FBXO38: variants seen among roughly 807,000 people sequenced by gnomAD.
FBXO38 encodes F-box protein 38, also known as F-box only protein 38.
FBXO38 carries 53 observed loss-of-function variants against 131.9 expected under a neutral mutation model. The observed-to-expected ratio is 0.40, with a 90% CI of 0.32 to 0.51. The LOEUF (loss-of-function observed/expected upper bound fraction) is 0.51, where lower values mean the gene tolerates loss of function less well. Ranked by LOEUF, FBXO38 falls within the 20% of genes least tolerant of loss-of-function variation. FBXO38 has a pLI of 0.53. For missense variants in FBXO38, 1,076 were observed against 1,475.6 expected (o/e 0.73, Z 4.44); for synonymous variants, 452 against 505.6 (o/e 0.89, Z 1.42).
chr5:148,417,549 G>T (rs566373465), intron 12 of FBXO38, among the ~76,000 whole-genome samples: 5 of 152,230 alleles, frequency 3.3e-5, no homozygotes, highest in African/African-American at 1.2e-4. Flanking sequence ...TGGATAGCAT[G>T]AACATTAAGA....
Position 148,431,456 on chromosome 5 carries a change from A to C in FBXO38, c.2654-1968A>C, listed in dbSNP as rs369869682. On this transcript the variant is annotated intron_variant, in intron 15 of 21. Transcript: ENST00000340253. ...GAGCAGGAAACTTTACCTAATTTTG[A>C]ACCCCATGCTCTGATAAATTAAAGG... 2.6e-5 allele frequency among the ~76,000 whole-genome samples: 4 copies of C among 152,336 alleles called. No individual in the cohort carries two copies. In the East Asian group the frequency reaches 5.8e-4, roughly 22 times the overall value.
At position 148,407,924 on chromosome 5, in the gene FBXO38, C is replaced by CA. The variant is rs556460198; in HGVS notation, c.869-1190dup. Among the ~76,000 whole-genome samples the CA allele has an allele frequency of 3.4e-3, 469 of 138,518 alleles. 3 individuals are homozygous for CA. The highest frequency in any genetic ancestry group is 4.2e-3 in the Non-Finnish European group (270 of 63,918). 90.9% of individuals were successfully genotyped at this position (138,518 alleles called of 152,430 possible). A position where few individuals can be genotyped will look rare whatever the true frequency, so the allele number is the denominator to read the frequency against. ...TGGGTGAGAGAGTGAGACTCTGTCT[C>CA]AAAAAAAAAAGAGAGAGAGAGAGTG... is the stretch of plus-strand genomic sequence containing the variant. On this transcript the variant is annotated intron_variant, in intron 7 of 21. Coordinates refer to ENST00000340253, the MANE Select transcript of FBXO38 (RefSeq NM_205836.3).
chr5:148,392,366 TA>T (rs1758239550), intron 1 of FBXO38, among the ~76,000 whole-genome samples: 3 of 152,062 alleles, frequency 2.0e-5, no homozygotes, highest in African/African-American at 7.2e-5. Context: ...TAAAACACAT[TA>T]GGGAAATAGG....
In FBXO38 at chr5:148,439,021, CAA is replaced by C. The variant is rs1005241917; in HGVS notation, c.3024+526_3024+527del. On this transcript the variant is annotated intron_variant, in intron 18 of 21. Transcript: ENST00000340253. ...TGTAATCAGTGTGTAAGCCTGGCCT[CAA>C]AAGAGTCAGTTCATCATATTGTCAA... Among the ~76,000 whole-genome samples the C allele has an allele frequency of 2.6e-5, 4 of 152,090 alleles. No individual in the cohort carries two copies. In the East Asian group the frequency reaches 5.8e-4, roughly 22 times the overall value.
chr5:148,413,306 C>T (rs2113573354), intron 9 of FBXO38: 1 of 151,426 alleles, frequency 6.6e-6, no homozygotes, highest in East Asian at 1.9e-4. Flanking sequence ...TTGTAAATCC[C>T]TGTGATATTC....
At chr5:148,384,263 C>G (rs1757792639) in intron 1 of FBXO38, among the ~76,000 whole-genome samples, 1 of 152,150 alleles carries the variant, frequency 6.6e-6, no homozygotes, top group Admixed American at 6.5e-5. Flanking sequence ...CTTGTCTGAA[C>G]CTGGCCCCAA....
chr5:148,419,859 A>G (rs1753305711), intron 12 of FBXO38, among the ~76,000 whole-genome samples: 1 of 152,086 alleles, frequency 6.6e-6, no homozygotes, highest in East Asian at 1.9e-4. Flanking sequence ...GCATGAGGTA[A>G]TTTACTGTAA....
chr5:148,438,473 T>C lies in FBXO38; in HGVS notation c.2999T>C (p.Ile1000Thr). The C allele has an allele frequency of 6.2e-7, 1 of 1,613,830 alleles. No homozygotes were observed. The highest frequency in any genetic ancestry group is 2.2e-5 in the East Asian group (1 of 44,896). The change falls in exon 18 of 22, where the codon ATC becomes ACC. Residue 1000 changes from isoleucine to threonine, a missense_variant. Physicochemically the swap from Ile to Thr is moderately conservative, Grantham distance 89 (BLOSUM62 -1). Around this residue, in one of 8 missense-constraint regions of FBXO38, gnomAD observed 282 missense variants for 418.8 expected, o/e 0.67. Coordinates refer to ENST00000340253, the MANE Select transcript of FBXO38 (RefSeq NM_205836.3). ...AGAATGCCACCCGAGAGAAACCGCA[T>C]CATATACCTACGCCCAATGCAGCAG... Reference protein sequence around the residue: ...ILRMPPERNRIIYLRPMQQVD... With the variant: ...ILRMPPERNRTIYLRPMQQVD...
Position 148,408,835 on chromosome 5 carries a change from C to T in FBXO38, c.869-289C>T, listed in dbSNP as rs866012630. Among the ~76,000 whole-genome samples, 11 of 152,184 alleles carry T rather than the reference C, an allele frequency of 7.2e-5. No homozygotes were observed. The South Asian group carries it at 1.2e-3, about 17-fold the overall frequency. Reference sequence around the variant, plus strand: ...GCAGGGTTTCTTTTTTTACAATTCTCTCATCAGCTTCTGACTTTCTAAAAA... The same window carrying T: ...GCAGGGTTTCTTTTTTTACAATTCTTTCATCAGCTTCTGACTTTCTAAAAA... On this transcript the variant is annotated intron_variant, in intron 7 of 21. Coordinates refer to ENST00000340253, the MANE Select transcript of FBXO38 (RefSeq NM_205836.3).
intron 5 of FBXO38, 135 bp from the exon 6 acceptor site, chr5:148,404,550 G>T: frequency 5.4e-6 from 4 of 737,678 alleles, no homozygotes; most frequent in Non-Finnish European, 8.0e-6. Flanking sequence ...GATAGATTTT[G>T]TATAATTTGT....
At position 148,427,538 on chromosome 5, in the gene FBXO38, G is replaced by A; in HGVS notation, c.2244G>A (p.Arg748=). ...EPSPTEVDVS[R]QCACSPGGSE... ...GCCCTACAGAAGTGGATGTGTCCAG[G>A]CAGTGTGCCTGCTCCCCCGGTGGGT... is the stretch of plus-strand genomic sequence containing the variant. Residue 748 remains arginine, a synonymous_variant, in exon 15 of 22, where the codon AGG becomes AGA. Coordinates refer to ENST00000340253, the MANE Select transcript of FBXO38 (RefSeq NM_205836.3). 6.2e-7 allele frequency: 1 copy of A among 1,614,172 alleles called. No individual in the cohort carries two copies. The highest frequency in any genetic ancestry group is 1.1e-5 in the South Asian group (1 of 91,086).
Position 148,406,303 on chromosome 5 carries a change from C to G in FBXO38, c.777C>G (p.Ala259=). 2 of 1,609,896 alleles carry G rather than the reference C, an allele frequency of 1.2e-6. No individual in the cohort carries two copies. The highest frequency in any genetic ancestry group is 1.7e-6 in the Non-Finnish European group (2 of 1,178,056). The part of the protein sequence containing the change: ...LKYVPLVTGL[A]SARNLEHLEM... ...ATGTCCCTTTAGTAACAGGCTTAGC[C>G]TCTGCCCGAAACTTGGAACACTTAG... Residue 259 remains alanine (A), a synonymous_variant, in exon 7 of 22, where the codon GCC becomes GCG. Coordinates refer to ENST00000340253, the MANE Select transcript of FBXO38 (RefSeq NM_205836.3).
chr5:148,406,411 A>C lies in FBXO38; in HGVS notation c.868+17A>C, dbSNP rs1752446951. Reference sequence around the variant, plus strand: ...GGAGATCAGGTATTCATTTTCTTTAATTACTAAATATTTTTTAAAAATCAA... The same window carrying C: ...GGAGATCAGGTATTCATTTTCTTTACTTACTAAATATTTTTTAAAAATCAA... On this transcript the variant is annotated intron_variant, in intron 7 of 21. Coordinates refer to ENST00000340253, the MANE Select transcript of FBXO38 (RefSeq NM_205836.3). The C allele has an allele frequency of 6.6e-7, 1 of 1,520,888 alleles. No individual in the cohort carries two copies. 94.2% of individuals were successfully genotyped at this position (1,520,888 alleles called of 1,614,324 possible).
chr5:148,438,538 G>T, intron 18 of FBXO38, 40 bp downstream of exon 18: 1 of 1,573,394 alleles, frequency 6.4e-7, no homozygotes, highest in Non-Finnish European at 8.6e-7. Flanking sequence ...CACATATTGT[G>T]GTGTTTTTCT....
chr5:148,427,111 G>A, intron 14 of FBXO38, 102 bp from the exon 15 acceptor site: 1 of 1,326,650 alleles, frequency 7.5e-7, no homozygotes, highest in Non-Finnish European at 1.0e-6. Context: ...TTAGTGTTTA[G>A]TATACATTAT....
intron 18 of FBXO38, among the ~76,000 whole-genome samples, chr5:148,438,874 A>G (rs1754506670): frequency 1.3e-5 from 2 of 152,190 alleles, no homozygotes; most frequent in Admixed American, 6.5e-5. Context: ...AACATGTGCT[A>G]GTATATAGTA....
In FBXO38 at chr5:148,438,322, C is replaced by A; in HGVS notation, c.2858-10C>A. The A allele has an allele frequency of 6.2e-7, 1 of 1,613,044 alleles. No homozygotes were observed. Among genetic ancestry groups the A allele is most frequent in the Non-Finnish European group, 8.5e-7 (1 of 1,179,446 alleles). ...TATGTACGGAGCTTACCATTGTTTT[C>A]ATTTTGTAGCTACCAGGTGCAGGGT... On this transcript the variant is annotated splice_polypyrimidine_tract_variant and intron_variant, in intron 17 of 21. Coordinates refer to ENST00000340253, the MANE Select transcript of FBXO38 (RefSeq NM_205836.3).
At chr5:148,429,940 T>C (rs963296355) in intron 15 of FBXO38, among the ~76,000 whole-genome samples, 6 of 151,998 alleles carry the variant, frequency 3.9e-5, no homozygotes, top group African/African-American at 1.4e-4. Context: ...GTGATTTTTT[T>C]CAATTTGAGA....
At chr5:148,417,308 T>C in intron 12 of FBXO38, 104 bp downstream of exon 12, 1 of 834,092 alleles carries the variant, frequency 1.2e-6, no homozygotes, top group African/African-American at 1.7e-5. Context: ...ACTTGTCACT[T>C]TCCACATTGA....
Sources: allele counts gnomAD v4.1 joint callset (sites outside exome capture counted in the v4.1 genomes callset), GRCh38; gene constraint gnomAD v4.1.1; regional missense constraint gnomAD v4.1.1; transcripts MANE v1.5; gene names NCBI Gene and HGNC (gene_info 2026-07-23, HGNC 2026-07-21).